PTPRM: variants seen among roughly 807,000 people sequenced by gnomAD.
PTPRM encodes the protein receptor-type tyrosine-protein phosphatase mu.
In PTPRM, 47 loss-of-function variants were observed where a neutral mutation model predicts 186.7. That is an observed-to-expected ratio of 0.25 (90% confidence interval 0.20 to 0.32). PTPRM has a LOEUF of 0.32. Ranked by LOEUF, PTPRM falls within the 10% of genes least tolerant of loss-of-function variation. The pLI is 1.00. For synonymous variants in PTPRM, 668 were observed against 674.9 expected (o/e 0.99, Z 0.16); for missense variants, 1,494 against 1,865.0 (o/e 0.80, Z 3.66).
At chr18:7,738,104 A>C (rs944532490) in intron 1 of PTPRM, among the ~76,000 whole-genome samples, 2 of 152,106 alleles carry the variant, frequency 1.3e-5, no homozygotes, top group Non-Finnish European at 2.9e-5. Context: ...TCTTTTGATT[A>C]TATTAGGTTG....
At chr18:8,195,152 CTTTTTT>C (rs1164451439) in intron 14 of PTPRM, among the ~76,000 whole-genome samples, 30 of 117,066 alleles carry the variant, frequency 2.6e-4, no homozygotes, top group African/African-American at 9.7e-4. Flanking sequence ...CTTAGAAGTT[CTTTTTT>C]TTTTTTTTTT....
At chr18:7,659,684 T>C (rs989224537) in intron 1 of PTPRM, among the ~76,000 whole-genome samples, 1 of 152,210 alleles carries the variant, frequency 6.6e-6, no homozygotes, top group Admixed American at 6.5e-5. Flanking sequence ...TCATTCTTCA[T>C]AGCACTAGCT....
rs141848066 is a variant in PTPRM at position 8,384,560 on chromosome 18, G to A, written c.3919-1G>A. 1.4e-4 allele frequency: 221 copies of A among 1,613,958 alleles called. No homozygotes were observed. The highest frequency in any genetic ancestry group is 3.5e-5 in the Non-Finnish European group (41 of 1,179,978). On this transcript the variant is annotated splice_acceptor_variant, in intron 29 of 32. Transcript: ENST00000580170. LOFTEE classifies it high-confidence loss of function. ...CTTGTGTTTATATGTTTTGAATTCA[G>A]TTGTGTCCACAGTACTGGCCAGAAA...
At chr18:8,195,875 A>G (rs1316935262) in intron 14 of PTPRM, among the ~76,000 whole-genome samples, 1 of 152,258 alleles carries the variant, frequency 6.6e-6, no homozygotes, top group African/African-American at 2.4e-5. Context: ...CACTTGTACC[A>G]TTAAATGTTA....
At chr18:7,720,666 C>G (rs1383866843) in intron 1 of PTPRM, among the ~76,000 whole-genome samples, 1 of 152,150 alleles carries the variant, frequency 6.6e-6, no homozygotes, top group Non-Finnish European at 1.5e-5. Context: ...CGGAAACTAT[C>G]ATTCTACTTT....
intron 22 of PTPRM, among the ~76,000 whole-genome samples, chr18:8,321,790 G>A (rs2095347596): frequency 6.6e-6 from 1 of 152,128 alleles, no homozygotes; most frequent in Non-Finnish European, 1.5e-5. Context: ...CTAACATGCA[G>A]TCAAGAATAT....
chr18:7,758,510 A>G (rs1271031233), intron 1 of PTPRM, among the ~76,000 whole-genome samples: 2 of 152,236 alleles, frequency 1.3e-5, no homozygotes, highest in African/African-American at 2.4e-5. Context: ...TAAAGGACAT[A>G]CAGTGTTTAG....
intron 2 of PTPRM, among the ~76,000 whole-genome samples, chr18:7,873,057 A>G (rs2048057333): frequency 6.6e-6 from 1 of 152,106 alleles, no homozygotes; most frequent in Non-Finnish European, 1.5e-5. Flanking sequence ...TAAATGATAG[A>G]TTTTATTTTC....
At chr18:7,577,679 C>T (rs564073974) in intron 1 of PTPRM, among the ~76,000 whole-genome samples, 59 of 152,266 alleles carry the variant, frequency 3.9e-4, no homozygotes, top group African/African-American at 1.4e-3. Context: ...GTGTTTTCTA[C>T]TTCCTCAACT....
intron 13 of PTPRM, among the ~76,000 whole-genome samples, chr18:8,138,696 C>A (rs1204762855): frequency 1.3e-5 from 2 of 152,104 alleles, no homozygotes. Context: ...AAACATCAGC[C>A]CTCGTGGTTC....
chr18:7,868,965 C>T (rs543266339), intron 2 of PTPRM, among the ~76,000 whole-genome samples: 3 of 152,294 alleles, frequency 2.0e-5, no homozygotes, highest in South Asian at 2.1e-4. Flanking sequence ...GGCTTCACCC[C>T]GTTCGAACTT....
At chr18:8,279,160 C>T (rs2094872496) in intron 19 of PTPRM, among the ~76,000 whole-genome samples, 2 of 151,866 alleles carry the variant, frequency 1.3e-5, no homozygotes, top group African/African-American at 2.4e-5. Flanking sequence ...ATCATATATC[C>T]TCAAAAATGT....
intron 14 of PTPRM, among the ~76,000 whole-genome samples, chr18:8,186,942 A>ATT (rs538870155): frequency 4.2e-5 from 6 of 143,776 alleles, no homozygotes; most frequent in South Asian, 2.3e-4. Context: ...CCTTGGGAAG[A>ATT]TTTTTTTTTT....
intron 19 of PTPRM, among the ~76,000 whole-genome samples, chr18:8,253,677 T>C (rs1297210329): frequency 2.0e-5 from 3 of 152,142 alleles, no homozygotes; most frequent in African/African-American, 7.2e-5. Context: ...ATCTCAAAGA[T>C]ATTATATATA....
intron 2 of PTPRM, among the ~76,000 whole-genome samples, chr18:7,797,343 T>G (rs1457566979): frequency 6.6e-6 from 1 of 152,190 alleles, no homozygotes; most frequent in Admixed American, 6.5e-5. Flanking sequence ...TCCTGTTGCT[T>G]TGTGTGGAGA....
chr18:7,830,752 G>A (rs2045719876), intron 2 of PTPRM, among the ~76,000 whole-genome samples: 1 of 152,308 alleles, frequency 6.6e-6, no homozygotes, highest in East Asian at 1.9e-4. Flanking sequence ...GCAGCCAGTG[G>A]AGGGCAAAGC....
intron 19 of PTPRM, among the ~76,000 whole-genome samples, chr18:8,269,703 C>T (rs2094746545): frequency 6.6e-6 from 1 of 151,864 alleles, no homozygotes; most frequent in Non-Finnish European, 1.5e-5. Context: ...ACCAATGGAA[C>T]AGAATTAGGA....
chr18:7,697,906 C>T (rs752953357), intron 1 of PTPRM, among the ~76,000 whole-genome samples: 1 of 152,168 alleles, frequency 6.6e-6, no homozygotes, highest in Non-Finnish European at 1.5e-5. Context: ...CTAAGTTCTC[C>T]TTTGTGCCAA....
At chr18:7,758,793 G>T (rs2041630080) in intron 1 of PTPRM, among the ~76,000 whole-genome samples, 2 of 152,162 alleles carry the variant, frequency 1.3e-5, no homozygotes, top group Admixed American at 6.6e-5. Flanking sequence ...GGAGAAAAAT[G>T]AGATTGATAC....
Sources: allele counts gnomAD v4.1 joint callset (sites outside exome capture counted in the v4.1 genomes callset), GRCh38; gene constraint gnomAD v4.1.1; transcripts MANE v1.5; gene names NCBI Gene and HGNC (gene_info 2026-07-23, HGNC 2026-07-21).